The following FANCA variants were observed in gnomAD, a reference collection of about 807,000 sequenced individuals.
FANCA encodes Fanconi anemia group A protein.
Under a neutral mutation model 194.3 loss-of-function variants are expected in FANCA, and 236 were observed. That is an observed-to-expected ratio of 1.21 (90% CI 1.09 to 1.35). FANCA has a LOEUF of 1.35. FANCA is among the 40% of genes most tolerant of loss of function. The pLI, the probability that FANCA is intolerant of heterozygous loss-of-function variation, is 0.00. For missense variants in FANCA, 2,628 were observed against 1,813.9 expected (o/e 1.45, Z -8.15); for synonymous variants, 1,014 against 715.8 (o/e 1.42, Z -6.65).
rs368798673 is a variant in FANCA at position 89,778,722 on chromosome 16, T to C, written c.1826+79A>G. 2.9e-6 allele frequency: 4 copies of C among 1,377,748 alleles called. No homozygotes were observed. The Admixed American group carries it at 5.1e-5, about 17-fold the overall frequency. 85.3% of individuals were successfully genotyped at this position (1,377,748 alleles called of 1,614,324 possible). A position where few individuals can be genotyped will look rare whatever the true frequency, so the allele number is the denominator to read the frequency against. On this transcript the variant is annotated intron_variant, in intron 20 of 42. Coordinates refer to ENST00000389301, the MANE Select transcript of FANCA (RefSeq NM_000135.4). ...ACACAATAGTGGTCTAACAAATTTCTCTACAGAAGATCCACAATTCTTCGC... is the reference window on the plus strand; with the variant it reads ...ACACAATAGTGGTCTAACAAATTTCCCTACAGAAGATCCACAATTCTTCGC...
chr16:89,761,866 TCTC>T (rs1270757550), intron 29 of FANCA, 80 bp downstream of exon 29: 2 of 1,080,034 alleles, frequency 1.9e-6, no homozygotes, highest in Non-Finnish European at 1.4e-6. Flanking sequence ...ATTCAAGAGA[TCTC>T]CTGCCTCAGC....
intron 2 of FANCA, among the ~76,000 whole-genome samples, 193 bp downstream of exon 2, chr16:89,815,684 T>C (rs1381976443): frequency 1.3e-5 from 2 of 152,028 alleles, no homozygotes; most frequent in African/African-American, 2.4e-5. Context: ...GTTTTGTTTT[T>C]AATAAAAGAG....
intron 3 of FANCA, among the ~76,000 whole-genome samples, chr16:89,811,449 G>C (rs1173922402): frequency 3.3e-5 from 5 of 152,228 alleles, no homozygotes; most frequent in African/African-American, 7.2e-5. Flanking sequence ...AATTACTTCA[G>C]AGATAAGCCT....
At chr16:89,745,352 A>C (rs1172147752) in intron 35 of FANCA, among the ~76,000 whole-genome samples, 1 of 152,098 alleles carries the variant, frequency 6.6e-6, no homozygotes, top group East Asian at 1.9e-4. Context: ...GCTGGGAACG[A>C]AACAGTGAAG....
In FANCA at chr16:89,767,134, A is replaced by G; in HGVS notation, c.2601+7T>C. On this transcript the variant is annotated splice_region_variant and intron_variant, in intron 27 of 42. Coordinates refer to ENST00000389301, the MANE Select transcript of FANCA (RefSeq NM_000135.4). ...AGAATGGAAAAATAGGAAAAGAGTG[A>G]ACCTACCTTTTTAATAAGGCCTGGA... 6.2e-7 allele frequency: 1 copy of G among 1,601,380 alleles called. No homozygotes were observed. Among genetic ancestry groups the G allele is most frequent in the Non-Finnish European group, 8.6e-7 (1 of 1,168,448 alleles).
At chr16:89,808,234 A>T in intron 6 of FANCA, 60 bp downstream of exon 6, 1 of 1,525,054 alleles carries the variant, frequency 6.6e-7, no homozygotes, top group South Asian at 1.1e-5. Flanking sequence ...GCTTTGAAAT[A>T]TAATTTATAC....
intron 9 of FANCA, 58 bp from the exon 10 acceptor site, chr16:89,799,290 A>C: frequency 6.2e-7 from 1 of 1,603,694 alleles, no homozygotes; most frequent in Admixed American, 1.7e-5. Context: ...AGCCCACCAG[A>C]AACAATCCCC....
chr16:89,770,652 T>A lies in FANCA; in HGVS notation c.2152-18A>T. Reference sequence around the variant, plus strand: ...TCCACAGCCTGCAGAGACACAGTTCTCATGAGCGTGGTGTCCTGGGGACGG... The same window carrying A: ...TCCACAGCCTGCAGAGACACAGTTCACATGAGCGTGGTGTCCTGGGGACGG... On this transcript the variant is annotated intron_variant, in intron 23 of 42. Transcript: ENST00000389301. The A allele has an allele frequency of 6.3e-7, 1 of 1,594,672 alleles. No individual in the cohort carries two copies. The highest frequency in any genetic ancestry group is 1.1e-5 in the South Asian group (1 of 88,120).
intron 36 of FANCA, among the ~76,000 whole-genome samples, chr16:89,743,499 C>T (rs17233692): frequency 1.9e-4 from 29 of 152,116 alleles, no homozygotes; most frequent in Non-Finnish European, 2.9e-5. Context: ...TGAGATCTGC[C>T]TGGGCAACAC....
chr16:89,788,991 G>A (rs1245978289), intron 14 of FANCA, among the ~76,000 whole-genome samples: 1 of 151,964 alleles, frequency 6.6e-6, no homozygotes, highest in Non-Finnish European at 1.5e-5. Flanking sequence ...CTCTGGAACC[G>A]AAGAAAAAGC....
rs1233105366 is a variant in FANCA, at chr16:89,738,308, A to AC, written c.*292dup. The AC allele has an allele frequency of 1.3e-6, 2 of 1,525,736 alleles. No homozygotes were observed. Among genetic ancestry groups the AC allele is most frequent in the Non-Finnish European group, 1.8e-6 (2 of 1,136,700 alleles). The allele number at this position is 1,525,736 out of a possible 1,614,324, so 94.5% of individuals were successfully genotyped here. On this transcript the variant is annotated 3_prime_UTR_variant, in exon 43 of 43. Coordinates refer to ENST00000389301, the MANE Select transcript of FANCA (RefSeq NM_000135.4). The stretch of plus-strand genomic sequence containing the variant: ...ACTCCGCAGTGGCTGTGTCAGCCTC[A>AC]CCCTTCGTGTGCACCCGCATGGGAG...
At chr16:89,792,835 G>A (rs2040121713) in intron 11 of FANCA, 2 of 390,474 alleles carry the variant, frequency 5.1e-6, no homozygotes, top group Non-Finnish European at 9.9e-6. Flanking sequence ...CATCTCCAAT[G>A]ATAGGTAAGG....
At chr16:89,744,925 G>C (rs2062208863) in intron 36 of FANCA, 34 bp downstream of exon 36, 4 of 1,591,154 alleles carry the variant, frequency 2.5e-6, no homozygotes, top group Non-Finnish European at 3.4e-6. Flanking sequence ...AGTGCATCTG[G>C]GCGGGCACAC....
intron 18 of FANCA, 145 bp downstream of exon 18, chr16:89,779,724 C>T (rs957910018): frequency 1.1e-5 from 8 of 744,740 alleles, no homozygotes; most frequent in South Asian, 4.4e-5. Context: ...GGACACACTC[C>T]AAAGAGCCCC....
intron 14 of FANCA, among the ~76,000 whole-genome samples, chr16:89,786,047 C>G (rs2039886854): frequency 7.4e-6 from 1 of 135,330 alleles, no homozygotes; most frequent in Non-Finnish European, 1.5e-5. Context: ...GAGAGAGAGT[C>G]TCACTCTGTC....
chr16:89,737,921 GA>G lies in FANCA; in HGVS notation c.*679del, dbSNP rs375657470. ...AGCCTTTGCAGTAAGTGTGAGTCAG[GA>G]CCCCCTCCCAGGGCTGTGGCCCTCG... On this transcript the variant is annotated 3_prime_UTR_variant, in exon 43 of 43. Coordinates refer to ENST00000389301, the MANE Select transcript of FANCA (RefSeq NM_000135.4). The G allele has an allele frequency of 5.7e-3, 9,012 of 1,571,354 alleles. 444 individuals carry two copies. In the African/African-American group the frequency reaches 0.14, roughly 24 times the overall value.
At chr16:89,808,057 CA>C (rs1168278115) in intron 6 of FANCA, among the ~76,000 whole-genome samples, 75 of 6,716 alleles carry the variant, frequency 0.011, no homozygotes, top group African/African-American at 0.037. Context: ...GACTCCGTCT[CA>C]AAAAAAAAAC....
At chr16:89,778,755 G>A (rs1047585253) in intron 20 of FANCA, 46 bp downstream of exon 20, 1 of 1,570,758 alleles carries the variant, frequency 6.4e-7, no homozygotes, top group Non-Finnish European at 8.8e-7. Flanking sequence ...CGCATTGTCA[G>A]AAGAAACCTG....
At chr16:89,785,630 C>T (rs993667421) in intron 14 of FANCA, among the ~76,000 whole-genome samples, 3 of 152,132 alleles carry the variant, frequency 2.0e-5, no homozygotes, top group African/African-American at 7.2e-5. Flanking sequence ...TTTAAATGGG[C>T]ATGGCCCTGA....
Sources: gnomAD v4.1 joint callset for allele counts (sites outside exome capture counted in the v4.1 genomes callset) on GRCh38, gnomAD v4.1.1 for gene constraint, MANE v1.5 for transcripts, NCBI Gene and HGNC (gene_info 2026-07-23, HGNC 2026-07-21) for gene names.